The following RBM19 variants were observed in gnomAD, a reference collection of about 807,000 sequenced individuals.
RBM19 encodes the protein RNA binding motif protein 19.
RBM19 carries 94 observed loss-of-function variants against 116.8 expected under a neutral mutation model. The ratio of observed to expected loss-of-function variants is 0.80; its 90% CI spans 0.68 to 0.95. RBM19 has a LOEUF of 0.95. Ranked by LOEUF, RBM19 falls within the 40% of genes least tolerant of loss-of-function variation. The pLI is 0.00. For synonymous variants in RBM19, 475 were observed against 494.1 expected, an observed-to-expected ratio of 0.96 and a Z score of 0.51; for missense variants, 1,161 against 1,220.7, an observed-to-expected ratio of 0.95 and a Z score of 0.73.
At chr12:113,891,655 A>T (rs572312451) in intron 21 of RBM19, among the ~76,000 whole-genome samples, 13 of 152,362 alleles carry the variant, frequency 8.5e-5, no homozygotes, top group African/African-American at 3.1e-4. Context: ...CCCTTAAAAA[A>T]AATTCACTGA....
At chr12:113,862,402 T>C (rs575549622) in intron 21 of RBM19, among the ~76,000 whole-genome samples, 2 of 152,012 alleles carry the variant, frequency 1.3e-5, no homozygotes, top group South Asian at 2.1e-4. Context: ...TGTGGGATCA[T>C]ATAAGGCCAA....
chr12:113,859,843 G>GGC (rs34360068), intron 21 of RBM19, among the ~76,000 whole-genome samples: 16,605 of 151,532 alleles, frequency 0.11, 1,037 homozygotes, highest in Non-Finnish European at 0.15. Flanking sequence ...CGGCTGCCTG[G>GGC]GCACACACAC....
intron 23 of RBM19, among the ~76,000 whole-genome samples, chr12:113,829,244 G>T (rs1354067039): frequency 6.6e-6 from 1 of 152,182 alleles, no homozygotes; most frequent in Non-Finnish European, 1.5e-5. Flanking sequence ...GCCTCCTAAC[G>T]TGCTGGGATT....
rs1461249092 is a variant in RBM19, at chr12:113,822,699, A to G, written c.*525T>C. 4.5e-5 allele frequency: 7 copies of G among 155,592 alleles called. No individual in the cohort carries two copies. The highest frequency in any genetic ancestry group is 8.5e-5 in the Non-Finnish European group (6 of 70,476). 9.6% of individuals were successfully genotyped at this position (155,592 alleles called of 1,614,324 possible). On this transcript the variant is annotated 3_prime_UTR_variant, in exon 24 of 24. Transcript: ENST00000261741. ...GCACCATGCCCGGCACTCTTCATGCATTACTGCGTTTATTTCTCTCTAAAA... is the reference window on the plus strand; with the variant it reads ...GCACCATGCCCGGCACTCTTCATGCGTTACTGCGTTTATTTCTCTCTAAAA...
chr12:113,964,315 A>G (rs1872710382), intron 1 of RBM19, among the ~76,000 whole-genome samples: 1 of 152,244 alleles, frequency 6.6e-6, no homozygotes, highest in Non-Finnish European at 1.5e-5. Flanking sequence ...AACTTACCTC[A>G]CAGGGATATG....
In RBM19 at chr12:113,959,868, CT is replaced by C; in HGVS notation, c.374del (p.Glu125GlyfsTer3). 6.2e-7 allele frequency: 1 copy of C among 1,614,216 alleles called. No homozygotes were observed. Among genetic ancestry groups the C allele is most frequent in the Non-Finnish European group, 8.5e-7 (1 of 1,180,040 alleles). On this transcript the variant is annotated frameshift_variant, in exon 4 of 24. Coordinates refer to ENST00000261741, the MANE Select transcript of RBM19 (RefSeq NM_016196.4). LOFTEE classifies it high-confidence loss of function. ...EKKKKVAGQL[E>X]KLKEDTEFQE... is the part of the protein sequence containing the mutation. ...TTGGGCAACAGGACAGACTCACCTT[CT>C]CCAGTTGACCTGCCACCTTTTTCTT...
At chr12:113,917,246 A>T (rs1882822647) in intron 20 of RBM19, among the ~76,000 whole-genome samples, 1 of 152,194 alleles carries the variant, frequency 6.6e-6, no homozygotes. Flanking sequence ...GGCTCTCTGG[A>T]GATAGGGTAC....
At chr12:113,945,636 G>C (rs150566346) in intron 13 of RBM19, among the ~76,000 whole-genome samples, 192 bp downstream of exon 13, 1 of 152,216 alleles carries the variant, frequency 6.6e-6, no homozygotes, top group Non-Finnish European at 1.5e-5. Context: ...GCCAGGGCTG[G>C]AGCCTGGCTG....
intron 22 of RBM19, among the ~76,000 whole-genome samples, chr12:113,854,855 C>T (rs935167569): frequency 1.3e-5 from 2 of 152,208 alleles, no homozygotes; most frequent in Admixed American, 6.5e-5. Context: ...ATGCAAATCT[C>T]CCACCCGATG....
intron 11 of RBM19, 119 bp from the exon 12 acceptor site, chr12:113,946,594 G>C: frequency 1.5e-6 from 2 of 1,348,070 alleles, no homozygotes; most frequent in Non-Finnish European, 2.1e-6. Context: ...ACCCTGACCA[G>C]AGGGTGGGAG....
In RBM19 at chr12:113,962,344, G is replaced by GTGAA; in HGVS notation, c.103_106dup (p.Thr36IlefsTer78). On this transcript the variant is annotated frameshift_variant, in exon 2 of 24. Coordinates refer to ENST00000261741, the MANE Select transcript of RBM19 (RefSeq NM_016196.4). LOFTEE classifies it high-confidence loss of function. ...AAACTTGCGGAACTTGCCATCTTTG[G>GTGAA]TGAACTTCAGGCTGCAGTCTGTCAG... 1.2e-6 allele frequency: 2 copies of GTGAA among 1,614,236 alleles called. No individual in the cohort carries two copies. The highest frequency in any genetic ancestry group is 1.7e-6 in the Non-Finnish European group (2 of 1,180,032).
At chr12:113,952,461 C>CA (rs778644375) in intron 8 of RBM19, 51 bp downstream of exon 8, 2 of 1,509,596 alleles carry the variant, frequency 1.3e-6, no homozygotes, top group Non-Finnish European at 1.8e-6. Context: ...CCCCAACCTT[C>CA]AATCTTCACT....
intron 21 of RBM19, among the ~76,000 whole-genome samples, chr12:113,873,786 G>A (rs1273475729): frequency 6.6e-6 from 1 of 152,134 alleles, no homozygotes; most frequent in Non-Finnish European, 1.5e-5. Flanking sequence ...AAGGTATAAG[G>A]TGGCAAAGTC....
intron 21 of RBM19, among the ~76,000 whole-genome samples, chr12:113,912,639 T>C (rs1882505461): frequency 6.6e-6 from 1 of 152,198 alleles, no homozygotes; most frequent in Non-Finnish European, 1.5e-5. Flanking sequence ...AAGAGGTGAT[T>C]CTGCACGGGA....
intron 23 of RBM19, among the ~76,000 whole-genome samples, chr12:113,833,429 A>T (rs1875609284): frequency 6.6e-6 from 1 of 151,920 alleles, no homozygotes; most frequent in Non-Finnish European, 1.5e-5. Context: ...GGGTCTTGAG[A>T]CTCTTCTCTT....
Position 113,825,230 on chromosome 12 carries a change from CG to C in RBM19, c.2786-1910del, listed in dbSNP as rs1241844368. ...ACGGCAGAGCCTGCCCCATGGTGAG[CG>C]TGCAGAAGGTGCGGGAGGTGCCCAC... On this transcript the variant is annotated intron_variant, in intron 23 of 23. Transcript: ENST00000261741. The surrounding 1 kb of genome is among the most constrained non-coding windows in gnomAD (Gnocchi z 5.7). 6.6e-6 allele frequency among the ~76,000 whole-genome samples: 1 copy of C among 151,976 alleles called. No individual in the cohort carries two copies.
At position 113,944,093 on chromosome 12, in the gene RBM19, G is replaced by GTTTTTTTTTTT. The variant is rs71433305; in HGVS notation, c.1627-1670_1627-1660dup. Among the ~76,000 whole-genome samples, 214 of 67,650 alleles carry GTTTTTTTTTTT rather than the reference G, an allele frequency of 3.2e-3. 32 individuals carry two copies. The highest frequency in any genetic ancestry group is 0.012 in the African/African-American group (187 of 15,864). The allele number at this position is 67,650 out of a possible 152,430, so 44.4% of individuals were successfully genotyped here. On this transcript the variant is annotated intron_variant, in intron 13 of 23. Transcript: ENST00000261741. The stretch of plus-strand genomic sequence containing the variant: ...CAGCTGCCTCTAACTCCAGATGCAT[G>GTTTTTTTTTTT]TTTTTTTTTTTTTTTTTTTTTTTTG...
intron 21 of RBM19, among the ~76,000 whole-genome samples, chr12:113,883,140 T>C (rs1462232876): frequency 1.3e-5 from 2 of 152,112 alleles, no homozygotes; most frequent in African/African-American, 4.8e-5. Flanking sequence ...GAACAGGACA[T>C]GCAAAAGGCA....
At position 113,950,064 on chromosome 12, in the gene RBM19, A is replaced by G. The variant is rs11066844; in HGVS notation, c.1072+19T>C. 185,877 of 1,573,842 alleles carry G rather than the reference A, an allele frequency of 0.12. 13,256 individuals are homozygous for G. Among genetic ancestry groups the G allele is most frequent in the African/African-American group, 0.33 (24,085 of 73,872 alleles). On this transcript the variant is annotated intron_variant, in intron 9 of 23. Transcript: ENST00000261741. Reference sequence around the variant, plus strand: ...GAACGCTGTAACACAGAGAGAGCACATGGCCAGGGCTTCCTTACCCATGTA... The same window carrying G: ...GAACGCTGTAACACAGAGAGAGCACGTGGCCAGGGCTTCCTTACCCATGTA...
Sources: allele counts gnomAD v4.1 joint callset (sites outside exome capture counted in the v4.1 genomes callset), GRCh38; gene constraint gnomAD v4.1.1; non-coding constraint Gnocchi (gnomAD v3.1); transcripts MANE v1.5; gene names NCBI Gene and HGNC (gene_info 2026-07-23, HGNC 2026-07-21).